SDK1: variants seen among roughly 807,000 people sequenced by gnomAD.
SDK1 encodes protein sidekick-1.
Under a neutral mutation model 245.5 loss-of-function variants are expected in SDK1, and 157 were observed. The ratio of observed to expected loss-of-function variants is 0.64; its 90% CI spans 0.56 to 0.73. SDK1 has a LOEUF of 0.73. SDK1 is among the 30% of genes least tolerant of loss of function. The pLI is 0.00. For synonymous variants in SDK1, 1,647 were observed against 1,278.5 expected (o/e 1.29, Z -6.15); for missense variants, 3,583 against 3,002.3 (o/e 1.19, Z -4.52).
Position 3,399,388 on chromosome 7 carries a change from C to T in SDK1, c.298+97504C>T, listed in dbSNP as rs924876318. ...AAGGAAAGTATGAGCATGATGGTTTCCTTTAAAGTTTACGTCTTAAGTTCA... is the reference window on the plus strand; with the variant it reads ...AAGGAAAGTATGAGCATGATGGTTTTCTTTAAAGTTTACGTCTTAAGTTCA... On this transcript the variant is annotated intron_variant, in intron 1 of 44. Coordinates refer to ENST00000404826, the MANE Select transcript of SDK1 (RefSeq NM_152744.4). 8.5e-5 allele frequency among the ~76,000 whole-genome samples: 13 copies of T among 152,186 alleles called. No individual in the cohort carries two copies. In the South Asian group the frequency reaches 2.7e-3, roughly 32 times the overall value.
intron 4 of SDK1, among the ~76,000 whole-genome samples, chr7:3,697,802 A>G (rs1416529004): frequency 6.6e-6 from 1 of 152,152 alleles, no homozygotes; most frequent in Non-Finnish European, 1.5e-5. Flanking sequence ...CTGATCATCA[A>G]TCTGTGGAAG....
intron 14 of SDK1, among the ~76,000 whole-genome samples, chr7:4,009,328 G>A (rs1272770011): frequency 6.6e-6 from 1 of 152,218 alleles, no homozygotes; most frequent in Non-Finnish European, 1.5e-5. Context: ...GAGTCTGGTT[G>A]CCCTGATACT....
chr7:3,609,066 A>G (rs1308752828), intron 1 of SDK1, among the ~76,000 whole-genome samples: 1 of 152,204 alleles, frequency 6.6e-6, no homozygotes, highest in African/African-American at 2.4e-5. Context: ...AAGAATTTTT[A>G]GTTTTCTTTT....
At chr7:3,471,053 ATTATT>A (rs1781167722) in intron 1 of SDK1, among the ~76,000 whole-genome samples, 1 of 152,158 alleles carries the variant, frequency 6.6e-6, no homozygotes, top group African/African-American at 2.4e-5. Context: ...GCATCTGGCA[ATTATT>A]TTATCTGTTT....
chr7:3,903,144 G>GTT (rs1414750594), intron 5 of SDK1, among the ~76,000 whole-genome samples: 93 of 130,420 alleles, frequency 7.1e-4, no homozygotes, highest in African/African-American at 2.5e-3. Context: ...TTTGTTTTTT[G>GTT]TTTTGTTTTT....
Position 3,336,228 on chromosome 7 carries a change from G to A in SDK1, c.298+34344G>A, listed in dbSNP as rs1047227419. On this transcript the variant is annotated intron_variant, in intron 1 of 44. Coordinates refer to ENST00000404826, the MANE Select transcript of SDK1 (RefSeq NM_152744.4). ...GCTTCGAGAGCAGGCAGCATGCTTC[G>A]GTTCCCCACCCAGAGGCTGAAGGCA... is the stretch of plus-strand genomic sequence containing the variant. 3.9e-5 allele frequency among the ~76,000 whole-genome samples: 6 copies of A among 152,158 alleles called. No homozygotes were observed. The South Asian group carries it at 6.2e-4, about 16-fold the overall frequency.
intron 1 of SDK1, among the ~76,000 whole-genome samples, chr7:3,434,856 G>T (rs1779973383): frequency 6.6e-6 from 1 of 152,096 alleles, no homozygotes; most frequent in Admixed American, 6.6e-5. Context: ...TCCTCATTGA[G>T]CCCAGAAAAC....
Position 3,781,531 on chromosome 7 carries a change from A to G in SDK1, c.714-39919A>G, listed in dbSNP as rs192506733. 7.2e-5 allele frequency among the ~76,000 whole-genome samples: 11 copies of G among 152,326 alleles called. No individual in the cohort carries two copies. In the East Asian group the frequency reaches 1.9e-3, roughly 27 times the overall value. The stretch of plus-strand genomic sequence containing the variant: ...ATTACAATGACTCAAGGGAATCATG[A>G]CACCTGCAAAGAAAACTAATAAAGC... On this transcript the variant is annotated intron_variant, in intron 4 of 44. Coordinates refer to ENST00000404826, the MANE Select transcript of SDK1 (RefSeq NM_152744.4).
intron 17 of SDK1, among the ~76,000 whole-genome samples, chr7:4,030,110 G>C (rs910863504): frequency 6.6e-6 from 1 of 152,156 alleles, no homozygotes; most frequent in African/African-American, 2.4e-5. Context: ...GTCAAGCATC[G>C]GCTCCGGGTG....
At chr7:4,018,240 A>G (rs1212375847) in intron 17 of SDK1, among the ~76,000 whole-genome samples, 1 of 152,230 alleles carries the variant, frequency 6.6e-6, no homozygotes, top group Admixed American at 6.5e-5. Flanking sequence ...TTTTATTGCT[A>G]CCAGACCTTG....
At chr7:3,757,049 C>A (rs551727896) in intron 4 of SDK1, among the ~76,000 whole-genome samples, 21 of 152,118 alleles carry the variant, frequency 1.4e-4, no homozygotes, top group Admixed American at 1.2e-3. Context: ...CATACTGATT[C>A]TCCAACTCTC....
intron 1 of SDK1, among the ~76,000 whole-genome samples, chr7:3,594,780 A>G (rs886529535): frequency 6.6e-6 from 1 of 152,188 alleles, no homozygotes; most frequent in Admixed American, 6.5e-5. Flanking sequence ...TTTAGAGATA[A>G]TACTGATATA....
chr7:4,149,117 A>G (rs1584296641), intron 29 of SDK1, 145 bp from the exon 30 acceptor site: 1 of 483,880 alleles, frequency 2.1e-6, no homozygotes, highest in East Asian at 3.5e-5. Context: ...GACCCAAGGA[A>G]GGGACTGGCT....
intron 4 of SDK1, among the ~76,000 whole-genome samples, chr7:3,742,078 G>C (rs188910041): frequency 4.7e-4 from 70 of 150,310 alleles, no homozygotes; most frequent in Admixed American, 8.0e-4. Context: ...ACAAATTTGG[G>C]GGGGGAGCAG....
At chr7:3,637,894 TG>T (rs1392222929) in intron 2 of SDK1, among the ~76,000 whole-genome samples, 2 of 152,274 alleles carry the variant, frequency 1.3e-5, no homozygotes, top group Admixed American at 6.5e-5. Flanking sequence ...TTGCTTTCTC[TG>T]CCTTGACGAG....
chr7:4,208,258 C>A lies in SDK1; in HGVS notation c.5374C>A (p.Pro1792Thr), dbSNP rs373454293. ...CGCCGGAGATGGACCTAAGAGTGAC[C>A]CCCAGCAGGGGCGCACCCACCAGGC... is the stretch of plus-strand genomic sequence containing the variant. ...NAAGDGPKSD[P>T]QQGRTHQAAP... Residue 1792 changes from proline to threonine, a missense_variant, in exon 37 of 45, where the codon CCC becomes ACC. Pro to Thr is a conservative substitution (Grantham distance 38, BLOSUM62 -1). Coordinates refer to ENST00000404826, the MANE Select transcript of SDK1 (RefSeq NM_152744.4). 2 of 1,613,610 alleles carry A rather than the reference C, an allele frequency of 1.2e-6. No individual in the cohort carries two copies. The highest frequency in any genetic ancestry group is 2.2e-5 in the East Asian group (1 of 44,868).
chr7:4,027,365 G>T (rs2128156836), intron 17 of SDK1, among the ~76,000 whole-genome samples: 1 of 152,328 alleles, frequency 6.6e-6, no homozygotes, highest in Non-Finnish European at 1.5e-5. Context: ...GCCAAATCCA[G>T]CTGATTTTAC....
intron 1 of SDK1, among the ~76,000 whole-genome samples, chr7:3,374,601 T>C (rs1287482677): frequency 6.6e-6 from 1 of 152,058 alleles, no homozygotes; most frequent in Non-Finnish European, 1.5e-5. Context: ...TGGCCTTTTT[T>C]CCAGTGCTTT....
chr7:4,135,689 A>G (rs937533004), intron 28 of SDK1, among the ~76,000 whole-genome samples: 3 of 152,196 alleles, frequency 2.0e-5, no homozygotes, highest in African/African-American at 7.2e-5. Context: ...CCATCCCTCA[A>G]AGGGGAAGCA....
Sources: allele counts gnomAD v4.1 joint callset (sites outside exome capture counted in the v4.1 genomes callset), GRCh38; gene constraint gnomAD v4.1.1; transcripts MANE v1.5; gene names NCBI Gene and HGNC (gene_info 2026-07-23, HGNC 2026-07-21).